DDX4: variants seen among roughly 807,000 people sequenced by gnomAD.
The protein encoded by DDX4 is probable ATP-dependent RNA helicase DDX4.
In DDX4, 25 loss-of-function variants were observed where a neutral mutation model predicts 100.0. That is an observed-to-expected ratio of 0.25 (90% CI 0.18 to 0.35). DDX4 has a LOEUF of 0.35. Among genes scored for constraint, DDX4 ranks in the 10% least tolerant of loss-of-function variants. The pLI is 1.00. For missense variants in DDX4, 635 were observed against 882.4 expected, an observed-to-expected ratio of 0.72 and a Z score of 3.55; for synonymous variants, 259 against 275.7, an observed-to-expected ratio of 0.94 and a Z score of 0.60.
At chr5:55,796,819 CTTTCTTTTTTTT>C (rs1742977454) in intron 17 of DDX4, among the ~76,000 whole-genome samples, 1 of 63,454 alleles carries the variant, frequency 1.6e-5, no homozygotes, top group African/African-American at 4.9e-5. Flanking sequence ...TTTTTTCTTT[CTTTCTTTTTTTT>C]TTTTTTTTTT....
intron 3 of DDX4, among the ~76,000 whole-genome samples, chr5:55,755,643 C>G (rs549203351): frequency 6.6e-6 from 1 of 151,982 alleles, no homozygotes; most frequent in Non-Finnish European, 1.5e-5. Flanking sequence ...AGCTCCGGAA[C>G]ATGAAAATTA....
At chr5:55,767,267 C>T (rs1740982022) in intron 6 of DDX4, among the ~76,000 whole-genome samples, 1 of 152,132 alleles carries the variant, frequency 6.6e-6, no homozygotes, top group Admixed American at 6.6e-5. Context: ...ATGGCAAAAC[C>T]GCATCTCTCC....
In DDX4 at chr5:55,787,695, C is replaced by A. The variant is rs543900151; in HGVS notation, c.1018-151C>A. Reference sequence around the variant, plus strand: ...CATAAAGACATAAATGTTAAGAACACCTTGAAATGAAAGTTGTTTTCATTT... The same window carrying A: ...CATAAAGACATAAATGTTAAGAACAACTTGAAATGAAAGTTGTTTTCATTT... On this transcript the variant is annotated intron_variant, in intron 14 of 21. Transcript: ENST00000505374. The A allele has an allele frequency of 3.6e-5, 29 of 803,494 alleles. No homozygotes were observed. In the African/African-American group the frequency reaches 4.9e-4, roughly 13 times the overall value. 49.8% of individuals were successfully genotyped at this position (803,494 alleles called of 1,614,324 possible).
intron 3 of DDX4, among the ~76,000 whole-genome samples, chr5:55,752,123 T>G (rs975962509): frequency 6.6e-6 from 1 of 152,150 alleles, no homozygotes; most frequent in African/African-American, 2.4e-5. Flanking sequence ...AAACTAGACA[T>G]AATAGAAAAT....
intron 18 of DDX4, among the ~76,000 whole-genome samples, chr5:55,807,399 T>A (rs1032534039): frequency 2.6e-5 from 4 of 152,240 alleles, no homozygotes; most frequent in Non-Finnish European, 4.4e-5. Flanking sequence ...CGTTAGTTGA[T>A]GCAGTTTCTT....
intron 18 of DDX4, among the ~76,000 whole-genome samples, chr5:55,812,887 A>G (rs1744196831): frequency 6.6e-6 from 1 of 151,326 alleles, no homozygotes; most frequent in South Asian, 2.1e-4. Context: ...CAGAAACATG[A>G]CAGGCATCTA....
chr5:55,815,252 CA>C, intron 20 of DDX4, 60 bp from the exon 21 acceptor site: 2 of 1,593,822 alleles, frequency 1.3e-6, no homozygotes, highest in East Asian at 2.2e-5. Flanking sequence ...GTGTATATAA[CA>C]AGTAAACTTT....
chr5:55,765,109 A>G (rs1291811898), intron 6 of DDX4, among the ~76,000 whole-genome samples: 1 of 152,100 alleles, frequency 6.6e-6, no homozygotes, highest in Non-Finnish European at 1.5e-5. Flanking sequence ...GAAAACATAT[A>G]TGATGTAGAA....
intron 2 of DDX4, among the ~76,000 whole-genome samples, chr5:55,741,068 A>G (rs1202914097): frequency 6.6e-6 from 1 of 152,212 alleles, no homozygotes; most frequent in Non-Finnish European, 1.5e-5. Context: ...TAATTCACAG[A>G]TAGATACTTT....
intron 6 of DDX4, among the ~76,000 whole-genome samples, chr5:55,767,186 T>A (rs1390543739): frequency 6.6e-6 from 1 of 152,208 alleles, no homozygotes; most frequent in Non-Finnish European, 1.5e-5. Context: ...ACGCCTGTAA[T>A]CCCAGCACTT....
At chr5:55,814,111 T>C (rs1317360764) in intron 19 of DDX4, among the ~76,000 whole-genome samples, 1 of 152,206 alleles carries the variant, frequency 6.6e-6, no homozygotes, top group Non-Finnish European at 1.5e-5. Context: ...ATCTAATCTT[T>C]CTTAGAGCTT....
chr5:55,791,401 G>A (rs1166321504), intron 16 of DDX4, among the ~76,000 whole-genome samples: 1 of 152,000 alleles, frequency 6.6e-6, no homozygotes, highest in Non-Finnish European at 1.5e-5. Context: ...TTATTAAAAG[G>A]ACCCAGAGAT....
rs553779223 is a variant in DDX4, at chr5:55,763,156, A to C, written c.206-19A>C. On this transcript the variant is annotated intron_variant, in intron 4 of 21. Coordinates refer to ENST00000505374, the MANE Select transcript of DDX4 (RefSeq NM_024415.3). ...TTAATTTTATATGTTAAAGAGTTTA[A>C]CTGTCCACCCTTTTTCAGATGCTGG... The C allele has an allele frequency of 6.5e-7, 1 of 1,547,064 alleles. No homozygotes were observed. The highest frequency in any genetic ancestry group is 1.1e-5 in the South Asian group (1 of 89,264).
At chr5:55,758,057 A>G (rs1760052366) in intron 3 of DDX4, among the ~76,000 whole-genome samples, 1 of 152,168 alleles carries the variant, frequency 6.6e-6, no homozygotes, top group Non-Finnish European at 1.5e-5. Flanking sequence ...ACAAGACAAA[A>G]CAAAAAAATT....
chr5:55,806,322 C>G (rs1333848195), intron 18 of DDX4, among the ~76,000 whole-genome samples: 1 of 152,018 alleles, frequency 6.6e-6, no homozygotes, highest in Non-Finnish European at 1.5e-5. Context: ...TCTCTTATTT[C>G]CTTCAGTTCT....
chr5:55,762,518 A>G lies in DDX4; in HGVS notation c.206-657A>G, dbSNP rs1034289604. ...GACAAATAAGAAAGTAGGGAATGCC[A>G]TGCCAAAGGAATAGCATGTACAAAG... On this transcript the variant is annotated intron_variant, in intron 4 of 21. Transcript: ENST00000505374. Among the ~76,000 whole-genome samples, 9 of 152,222 alleles carry G rather than the reference A, an allele frequency of 5.9e-5. No individual in the cohort carries two copies. In the South Asian group the frequency reaches 6.2e-4, roughly 11 times the overall value.
At chr5:55,761,305 G>T (rs1288482632) in intron 4 of DDX4, among the ~76,000 whole-genome samples, 1 of 151,958 alleles carries the variant, frequency 6.6e-6, no homozygotes, top group East Asian at 1.9e-4. Flanking sequence ...TTACATTTAG[G>T]AGCATATTTA....
intron 17 of DDX4, among the ~76,000 whole-genome samples, chr5:55,793,008 A>C (rs1334414971): frequency 1.3e-5 from 2 of 149,078 alleles, no homozygotes; most frequent in African/African-American, 2.5e-5. Context: ...TGTTAACATC[A>C]CATTTTATTT....
chr5:55,773,217 C>A (rs1383612767), intron 7 of DDX4: 2 of 152,202 alleles, frequency 1.3e-5, no homozygotes, highest in African/African-American at 4.8e-5. Context: ...CTCTCTGGGG[C>A]TTCTTTTATA....
Sources: allele counts gnomAD v4.1 joint callset (sites outside exome capture counted in the v4.1 genomes callset), GRCh38; gene constraint gnomAD v4.1.1; transcripts MANE v1.5; gene names NCBI Gene and HGNC (gene_info 2026-07-23, HGNC 2026-07-21).